Variants in TAF2 observed in about 807,000 individuals in gnomAD.
The protein encoded by TAF2 is transcription initiation factor TFIID subunit 2.
TAF2 carries 61 observed loss-of-function variants against 138.5 expected under a neutral mutation model. The ratio of observed to expected loss-of-function variants is 0.44; its 90% confidence interval spans 0.36 to 0.54. TAF2 has a LOEUF of 0.54. Among genes scored for constraint, TAF2 ranks in the 20% least tolerant of loss-of-function variants. The pLI is 0.00. For missense variants in TAF2, 1,090 were observed against 1,427.9 expected (o/e 0.76, Z 3.81); for synonymous variants, 475 against 469.9 (o/e 1.01, Z -0.14).
At chr8:119,781,551 G>A (rs1294688519) in intron 16 of TAF2, among the ~76,000 whole-genome samples, 2 of 152,048 alleles carry the variant, frequency 1.3e-5, no homozygotes, top group African/African-American at 2.4e-5. Flanking sequence ...ATGATGGCGG[G>A]TGCCTGTAAT....
chr8:119,749,921 G>A (rs979547073), intron 22 of TAF2, among the ~76,000 whole-genome samples: 1 of 152,156 alleles, frequency 6.6e-6, no homozygotes, highest in Non-Finnish European at 1.5e-5. Flanking sequence ...GTTATACTCT[G>A]AGACCAAGCC....
intron 18 of TAF2, among the ~76,000 whole-genome samples, chr8:119,770,961 C>T (rs1047314225): frequency 6.2e-4 from 95 of 152,074 alleles, no homozygotes; most frequent in African/African-American, 2.2e-3. Flanking sequence ...GTCCCAGCTA[C>T]ACAGGAGGCT....
chr8:119,795,079 G>A (rs1192596478), intron 9 of TAF2, among the ~76,000 whole-genome samples: 2 of 151,272 alleles, frequency 1.3e-5, no homozygotes, highest in Admixed American at 1.3e-4. Flanking sequence ...CAACATAAAT[G>A]CATTCAAAGC....
At chr8:119,810,070 A>G (rs1824944152) in intron 3 of TAF2, among the ~76,000 whole-genome samples, 1 of 151,622 alleles carries the variant, frequency 6.6e-6, no homozygotes, top group African/African-American at 2.4e-5. Flanking sequence ...TAAAGGAGGT[A>G]TGCCTGTGTT....
intron 22 of TAF2, among the ~76,000 whole-genome samples, chr8:119,750,568 C>A (rs1226460478): frequency 1.3e-5 from 2 of 152,078 alleles, no homozygotes; most frequent in Non-Finnish European, 2.9e-5. Flanking sequence ...ACAGCAAACT[C>A]ATTTCTATTT....
chr8:119,744,231 A>C lies in TAF2; in HGVS notation c.3214+57T>G, dbSNP rs1819793229. 4 of 1,409,146 alleles carry C rather than the reference A, an allele frequency of 2.8e-6. No individual in the cohort carries two copies. The Admixed American group carries it at 6.7e-5, about 24-fold the overall frequency. The allele number at this position is 1,409,146 out of a possible 1,614,324, so 87.3% of individuals were successfully genotyped here. A position where few individuals can be genotyped will look rare whatever the true frequency, so the allele number is the denominator to read the frequency against. ...TGAAAATAAAGTAACACACATTAGA[A>C]TACTGACATCAACCAATGTCTCCAT... On this transcript the variant is annotated intron_variant, in intron 24 of 25. Coordinates refer to ENST00000378164, the MANE Select transcript of TAF2 (RefSeq NM_003184.4).
chr8:119,816,817 T>A (rs1241349662), intron 3 of TAF2, among the ~76,000 whole-genome samples: 1 of 152,234 alleles, frequency 6.6e-6, no homozygotes, highest in Non-Finnish European at 1.5e-5. Context: ...AATCTACAGT[T>A]TTCCTCTAGG....
intron 22 of TAF2, among the ~76,000 whole-genome samples, chr8:119,747,786 T>C (rs900035743): frequency 5.9e-5 from 9 of 152,058 alleles, no homozygotes; most frequent in African/African-American, 1.9e-4. Context: ...TTGAAGAGTA[T>C]AGAACAAATG....
chr8:119,781,613 A>T (rs1274722057), intron 16 of TAF2, among the ~76,000 whole-genome samples: 1 of 151,688 alleles, frequency 6.6e-6, no homozygotes, highest in Admixed American at 6.6e-5. Context: ...CAGGACGGGG[A>T]GGGGGAGGTT....
At chr8:119,781,446 G>A (rs1822645047) in intron 16 of TAF2, among the ~76,000 whole-genome samples, 1 of 152,118 alleles carries the variant, frequency 6.6e-6, no homozygotes, top group Non-Finnish European at 1.5e-5. Flanking sequence ...GGGAAGCCGA[G>A]GCGGGTGAAT....
intron 22 of TAF2, among the ~76,000 whole-genome samples, chr8:119,753,633 T>C (rs1297337214): frequency 6.6e-6 from 1 of 152,176 alleles, no homozygotes; most frequent in Non-Finnish European, 1.5e-5. Flanking sequence ...CTGCACACTA[T>C]CAAAATTAAA....
intron 25 of TAF2, among the ~76,000 whole-genome samples, chr8:119,736,730 G>C (rs1819246549): frequency 6.6e-6 from 1 of 152,142 alleles, no homozygotes; most frequent in African/African-American, 2.4e-5. Context: ...AAGGAATCTA[G>C]TTTGAACATC....
chr8:119,788,760 G>A (rs1470927530), intron 13 of TAF2, 30 bp downstream of exon 13: 2 of 1,497,502 alleles, frequency 1.3e-6, no homozygotes, highest in African/African-American at 1.4e-5. Flanking sequence ...GGAGATAGCA[G>A]TACAAAGGCG....
At chr8:119,761,787 C>T (rs1249493112) in intron 19 of TAF2, 1 of 144,678 alleles carries the variant, frequency 6.9e-6, no homozygotes, top group African/African-American at 2.6e-5. Flanking sequence ...GGAACAAGAG[C>T]GAAACTTGGT....
At position 119,732,671 on chromosome 8, in the gene TAF2, GC is replaced by G. The variant is rs200377689; in HGVS notation, c.3338-486del. ...ATACAAAAATTAGCCGGGCATGGTG[GC>G]GGGTGCCTGTAATCCCAGGTACTTG... On this transcript the variant is annotated intron_variant, in intron 25 of 25. Transcript: ENST00000378164. Among the ~76,000 whole-genome samples the G allele has an allele frequency of 3.0e-3, 459 of 152,180 alleles. 11 individuals carry two copies. The East Asian group carries it at 0.058, about 19-fold the overall frequency.
At position 119,752,266 on chromosome 8, in the gene TAF2, T is replaced by C. The variant is rs535867841; in HGVS notation, c.2878+3740A>G. Among the ~76,000 whole-genome samples, 59 of 152,254 alleles carry C rather than the reference T, an allele frequency of 3.9e-4. No homozygotes were observed. The South Asian group carries it at 4.4e-3, about 11-fold the overall frequency. ...ACTACATATAGAATGGGTTAAGATA[T>C]CTGATACGTGTATGAGTGAATATAC... On this transcript the variant is annotated intron_variant, in intron 22 of 25. Coordinates refer to ENST00000378164, the MANE Select transcript of TAF2 (RefSeq NM_003184.4).
chr8:119,787,371 A>T (rs1466438854), intron 14 of TAF2, among the ~76,000 whole-genome samples: 3 of 148,786 alleles, frequency 2.0e-5, no homozygotes, highest in Non-Finnish European at 4.4e-5. Flanking sequence ...TAAAATAAAA[A>T]ACAAAAACAA....
chr8:119,732,302 T>C, intron 25 of TAF2, 116 bp from the exon 26 acceptor site: 1 of 915,980 alleles, frequency 1.1e-6, no homozygotes, highest in Non-Finnish European at 1.8e-6. Flanking sequence ...TTATCACTTC[T>C]ATCAGGAATG....
chr8:119,779,884 G>T (rs571680430), intron 17 of TAF2, among the ~76,000 whole-genome samples: 3 of 152,044 alleles, frequency 2.0e-5, no homozygotes, highest in African/African-American at 7.2e-5. Flanking sequence ...TTGCTCAGCC[G>T]TCTCTATTTA....
Sources: gnomAD v4.1 joint callset for allele counts (sites outside exome capture counted in the v4.1 genomes callset) on GRCh38, gnomAD v4.1.1 for gene constraint, MANE v1.5 for transcripts, NCBI Gene and HGNC (gene_info 2026-07-23, HGNC 2026-07-21) for gene names.